PTPRS: variants seen among roughly 807,000 people sequenced by gnomAD.
PTPRS encodes protein tyrosine phosphatase receptor type S, also known as receptor-type tyrosine-protein phosphatase S.
A neutral mutation model predicts 215.3 loss-of-function variants in PTPRS; 63 were observed. The ratio of observed to expected loss-of-function variants is 0.29; its 90% CI spans 0.24 to 0.36. The LOEUF is 0.36. Ranked by LOEUF, PTPRS falls within the 10% of genes least tolerant of loss-of-function variation. The probability of loss-of-function intolerance (pLI) is 1.00; values close to 1 mark genes in which losing one functional copy is unlikely to be tolerated. For missense variants in PTPRS, 2,258 were observed against 2,825.8 expected (o/e 0.80, Z 4.56); for synonymous variants, 1,404 against 1,191.4 (o/e 1.18, Z -3.68).
intron 1 of PTPRS, among the ~76,000 whole-genome samples, chr19:5,325,603 C>A (rs1292697216): frequency 6.6e-6 from 1 of 152,242 alleles, no homozygotes; most frequent in Non-Finnish European, 1.5e-5. Flanking sequence ...GTGGCCACGA[C>A]CCAAGCACAG....
intron 2 of PTPRS, among the ~76,000 whole-genome samples, chr19:5,280,549 T>C (rs1257716607): frequency 2.0e-5 from 3 of 150,872 alleles, no homozygotes; most frequent in Non-Finnish European, 3.0e-5. Flanking sequence ...TGAAACCCCG[T>C]CTCTACTAAA....
chr19:5,228,675 G>C (rs1448670322), intron 16 of PTPRS, among the ~76,000 whole-genome samples: 2 of 152,168 alleles, frequency 1.3e-5, no homozygotes, highest in African/African-American at 4.8e-5. Context: ...TGTCAGACCT[G>C]GGGTTCTCAG....
chr19:5,227,939 C>CCCCCCCCCCCCCCCG (rs1283340206), intron 16 of PTPRS, among the ~76,000 whole-genome samples: 1 of 151,772 alleles, frequency 6.6e-6, no homozygotes, highest in African/African-American at 2.4e-5. Flanking sequence ...CACACACGCA[C>CCCCCCCCCCCCCCCG]CCCCCCAAGC....
rs866723743 is a variant in PTPRS, at chr19:5,319,434, A to T, written c.-95+21230T>A. 8.2e-3 allele frequency among the ~76,000 whole-genome samples: 928 copies of T among 113,430 alleles called. 3 individuals carry two copies. The highest frequency in any genetic ancestry group is 0.024 in the African/African-American group (842 of 35,014). 74.4% of individuals were successfully genotyped at this position (113,430 alleles called of 152,430 possible). ...TTGTCTTTTTTTTTTTTTTTTTTTT[A>T]AAAAGCTATCCCAAATCCACTTGCT... On this transcript the variant is annotated intron_variant, in intron 1 of 37. Coordinates refer to ENST00000262963, the MANE Select transcript of PTPRS (RefSeq NM_002850.4).
chr19:5,221,871 G>C (rs973167555), intron 19 of PTPRS, among the ~76,000 whole-genome samples: 3 of 152,146 alleles, frequency 2.0e-5, no homozygotes, highest in Non-Finnish European at 4.4e-5. Context: ...TCCCAGCTAA[G>C]CCACAATCCA....
chr19:5,222,905 C>T lies in PTPRS; in HGVS notation c.2887G>A (p.Val963Ile), dbSNP rs62113240. ...PVPAERNGAIVKYTVAVREAG... is the reference protein window; with the variant it reads ...PVPAERNGAIIKYTVAVREAG... ...TCCCGCACGGCCACCGTGTATTTGA[C>T]GATGGCCCCGTTGCGCTCGGCGGGC... Residue 963 changes from valine (V) to isoleucine (I), a missense_variant, in exon 18 of 38, where the codon GTC (valine) becomes ATC (isoleucine). Around this residue, in one of 6 missense-constraint regions of PTPRS, gnomAD observed 361 missense variants for 332.6 expected, o/e 1.09. Transcript: ENST00000262963. 1.2e-5 allele frequency: 19 copies of T among 1,571,226 alleles called. No homozygotes were observed. The highest frequency in any genetic ancestry group is 6.8e-5 in the South Asian group (6 of 87,908).
chr19:5,219,554 C>T, intron 22 of PTPRS, 87 bp from the exon 23 acceptor site: 6 of 1,431,302 alleles, frequency 4.2e-6, no homozygotes, highest in South Asian at 1.4e-5. Context: ...ACCTACGTTT[C>T]TCCCCCGCTC....
intron 16 of PTPRS, among the ~76,000 whole-genome samples, chr19:5,228,450 A>G (rs1202124106): frequency 2.0e-5 from 3 of 151,328 alleles, no homozygotes; most frequent in Non-Finnish European, 4.4e-5. Flanking sequence ...GGTTCAAACG[A>G]TTCTCCTGCC....
chr19:5,240,219 C>T lies in PTPRS; in HGVS notation c.1684G>A (p.Glu562Lys), dbSNP rs1400561375. The T allele has an allele frequency of 6.4e-7, 1 of 1,551,964 alleles. No individual in the cohort carries two copies. The highest frequency in any genetic ancestry group is 8.7e-7 in the Non-Finnish European group (1 of 1,148,098). The stretch of plus-strand genomic sequence containing the variant: ...CTCACCTCCCGGCCATGGTCGCCTT[C>T]CCGGAAGAGGAGCTCGTACTTGATG... Reference protein sequence around the residue: ...SIIKYELLFREGDHGREVGRT... With the variant: ...SIIKYELLFRKGDHGREVGRT... Residue 562 changes from glutamate to lysine, a missense_variant, in exon 12 of 38, where the codon GAA (glutamate) becomes AAA (lysine). Transcript: ENST00000262963.
intron 37 of PTPRS, among the ~76,000 whole-genome samples, chr19:5,207,233 T>C (rs1363989916): frequency 3.9e-5 from 6 of 152,192 alleles, no homozygotes; most frequent in Admixed American, 3.9e-4. Context: ...GACAGGCGTG[T>C]ACCACCATGC....
intron 1 of PTPRS, among the ~76,000 whole-genome samples, chr19:5,302,827 G>A (rs1221049754): frequency 6.6e-6 from 1 of 151,640 alleles, no homozygotes; most frequent in African/African-American, 2.4e-5. Flanking sequence ...GGAGGTTGAG[G>A]CGGGCGGATC....
At chr19:5,276,953 A>G (rs950750299) in intron 2 of PTPRS, among the ~76,000 whole-genome samples, 1 of 152,010 alleles carries the variant, frequency 6.6e-6, no homozygotes, top group African/African-American at 2.4e-5. Context: ...CTATTTTTAC[A>G]GTAACCTTTG....
intron 1 of PTPRS, among the ~76,000 whole-genome samples, chr19:5,292,131 G>C (rs1449618836): frequency 6.6e-6 from 1 of 152,154 alleles, no homozygotes; most frequent in Non-Finnish European, 1.5e-5. Context: ...CTGTGGGTCT[G>C]TCAACCCCCT....
chr19:5,209,365 C>T (rs56238830), intron 35 of PTPRS, among the ~76,000 whole-genome samples: 7,659 of 152,236 alleles, frequency 0.05, 292 homozygotes, highest in Middle Eastern at 0.082. Context: ...CCAAGGGTAC[C>T]ATCTTCCACT....
intron 19 of PTPRS, 40 bp from the exon 20 acceptor site, chr19:5,221,293 A>G (rs374388233): frequency 1.9e-5 from 30 of 1,585,780 alleles, no homozygotes; most frequent in East Asian, 4.5e-5. Context: ...TGGTGGGCTC[A>G]TGCCCATGGA....
intron 1 of PTPRS, among the ~76,000 whole-genome samples, chr19:5,302,823 T>C (rs1032389301): frequency 7.4e-5 from 11 of 149,514 alleles, no homozygotes; most frequent in African/African-American, 2.5e-4. Flanking sequence ...TTTGGGAGGT[T>C]GAGGCGGGCG....
rs1050752758 is a variant in PTPRS, at chr19:5,237,810, G to T, written c.1849+1109C>A. Among the ~76,000 whole-genome samples, 2 of 152,146 alleles carry T rather than the reference G, an allele frequency of 1.3e-5. No homozygotes were observed. The highest frequency in any genetic ancestry group is 4.8e-5 in the African/African-American group (2 of 41,448). The stretch of plus-strand genomic sequence containing the variant: ...CTTGGAGCCGCCAGGTGCTCAGCTC[G>T]GCTTGGTTTGTGGGGAGCAGGAAGG... On this transcript the variant is annotated intron_variant, in intron 13 of 37. Transcript: ENST00000262963. This position sits in a 1 kb window ranked among gnomAD's most constrained non-coding sequence, Gnocchi z 4.2.
chr19:5,243,662 G>A (rs555862524), intron 11 of PTPRS, among the ~76,000 whole-genome samples: 1 of 152,044 alleles, frequency 6.6e-6, no homozygotes, highest in African/African-American at 2.4e-5. Flanking sequence ...AGTAGAGATG[G>A]GGTTTCACCA....
chr19:5,222,639 T>TGGGGGGGGGGGG (rs2042096240), intron 18 of PTPRS, 50 bp downstream of exon 18: 1 of 787,374 alleles, frequency 1.3e-6, no homozygotes, highest in Non-Finnish European at 1.6e-6. Flanking sequence ...GGGGTGGGGG[T>TGGGGGGGGGGGG]GGGCGCAAGG....
Sources: gnomAD v4.1 joint callset for allele counts (sites outside exome capture counted in the v4.1 genomes callset) on GRCh38, gnomAD v4.1.1 for gene constraint, gnomAD v4.1.1 regional missense constraint, Gnocchi (gnomAD v3.1) non-coding constraint, MANE v1.5 for transcripts, NCBI Gene and HGNC (gene_info 2026-07-23, HGNC 2026-07-21) for gene names.